Variants in SDE2 observed in about 807,000 individuals in gnomAD.
SDE2 encodes splicing regulator SDE2.
SDE2 carries 31 observed loss-of-function variants against 46.9 expected under a neutral mutation model. The ratio of observed to expected loss-of-function variants is 0.66; its 90% CI spans 0.50 to 0.89. The LOEUF is 0.89. SDE2 is among the 40% of genes least tolerant of loss of function. The probability of loss-of-function intolerance (pLI) is 0.00; values close to 1 mark genes in which losing one functional copy is unlikely to be tolerated. For missense variants in SDE2, 542 were observed against 564.4 expected, an observed-to-expected ratio of 0.96 and a Z score of 0.40; for synonymous variants, 205 against 204.3, an observed-to-expected ratio of 1.00 and a Z score of -0.03.
At chr1:225,992,615 T>C (rs1423013779) in intron 3 of SDE2, 48 bp from the exon 4 acceptor site, 5 of 1,154,200 alleles carry the variant, frequency 4.3e-6, no homozygotes, top group Non-Finnish European at 6.4e-6. Context: ...ATATTACATA[T>C]ACACTTTTAT....
At chr1:225,996,832 A>G (rs567281296) in intron 1 of SDE2, among the ~76,000 whole-genome samples, 1 of 152,364 alleles carries the variant, frequency 6.6e-6, no homozygotes, top group African/African-American at 2.4e-5. Context: ...AAAAACGTCA[A>G]CATCAGATCT....
In SDE2 at chr1:225,992,246, T is replaced by G. The variant is rs1656418823; in HGVS notation, c.520+152A>C. The G allele has an allele frequency of 9.0e-6, 5 of 555,528 alleles. No homozygotes were observed. The South Asian group carries it at 1.1e-4, about 12-fold the overall frequency. 34.4% of individuals were successfully genotyped at this position (555,528 alleles called of 1,614,324 possible). Reference sequence around the variant, plus strand: ...TTTAAAAAAATACTGTGTTCATTTTTGAGGATAAAAGTGCCAAGGTTTTCA... The same window carrying G: ...TTTAAAAAAATACTGTGTTCATTTTGGAGGATAAAAGTGCCAAGGTTTTCA... On this transcript the variant is annotated intron_variant, in intron 4 of 6. Transcript: ENST00000272091.
At chr1:225,993,096 AATG>A (rs1656439948) in intron 2 of SDE2, 94 bp from the exon 3 acceptor site, 1 of 581,242 alleles carries the variant, frequency 1.7e-6, no homozygotes, top group Non-Finnish European at 3.1e-6. Context: ...CAAGATTAAC[AATG>A]ATCTCTACTT....
intron 1 of SDE2, among the ~76,000 whole-genome samples, chr1:225,997,394 T>C (rs1302948554): frequency 6.6e-6 from 1 of 152,184 alleles, no homozygotes; most frequent in Non-Finnish European, 1.5e-5. Flanking sequence ...ATGGTCATGT[T>C]CCTTAAGTTT....
In SDE2 at chr1:225,985,486, GT is replaced by G. The variant is rs1656249798; in HGVS notation, c.1171del (p.Thr391ProfsTer18). 1 of 1,613,776 alleles carries G rather than the reference GT, an allele frequency of 6.2e-7. No homozygotes were observed. Among genetic ancestry groups the G allele is most frequent in the Non-Finnish European group, 8.5e-7 (1 of 1,179,646 alleles). ...CAGCAACTCCAGTTCTGCAACAGAGGTGAACGCCAATAAATCTATAGTTTCC... is the reference window on the plus strand; with the variant it reads ...CAGCAACTCCAGTTCTGCAACAGAGGGAACGCCAATAAATCTATAGTTTCC... ...DKETIDLLAF[T>X]SVAELELLGL... On this transcript the variant is annotated frameshift_variant, in exon 7 of 7. Transcript: ENST00000272091. LOFTEE classifies it high-confidence loss of function.
intron 5 of SDE2, among the ~76,000 whole-genome samples, chr1:225,989,397 G>C (rs922005282): frequency 6.6e-6 from 1 of 151,844 alleles, no homozygotes; most frequent in Non-Finnish European, 1.5e-5. Context: ...GGGAGGTTGA[G>C]GTGGGTGGAT....
At chr1:225,995,054 A>G (rs1440543818) in intron 2 of SDE2, among the ~76,000 whole-genome samples, 1 of 152,222 alleles carries the variant, frequency 6.6e-6, no homozygotes, top group Non-Finnish European at 1.5e-5. Context: ...AAAAGAAAGA[A>G]AACAAAAGAA....
At chr1:225,991,404 C>A in intron 4 of SDE2, 41 bp from the exon 5 acceptor site, 1 of 1,547,770 alleles carries the variant, frequency 6.5e-7, no homozygotes, top group Non-Finnish European at 8.9e-7. Flanking sequence ...ACTATAGGGA[C>A]TAAGTTTAAA....
chr1:225,992,902 A>AT lies in SDE2; in HGVS notation c.338dup (p.Asn113LysfsTer3), dbSNP rs1656435560. ...GGTGGGCATCTTACGCTTTTTCATG[A>AT]TTGACATCGCGTAGTCTCCTTCCAC... On this transcript the variant is annotated frameshift_variant, in exon 3 of 7. Coordinates refer to ENST00000272091, the MANE Select transcript of SDE2 (RefSeq NM_152608.4). LOFTEE classifies it high-confidence loss of function. 1 of 1,603,318 alleles carries AT rather than the reference A, an allele frequency of 6.2e-7. No homozygotes were observed. The highest frequency in any genetic ancestry group is 8.5e-7 in the Non-Finnish European group (1 of 1,170,654).
chr1:225,988,480 C>G (rs1334758726), intron 5 of SDE2, 92 bp from the exon 6 acceptor site: 1 of 1,382,820 alleles, frequency 7.2e-7, no homozygotes, highest in African/African-American at 1.4e-5. Context: ...CCTGTAATCC[C>G]AGGACTTTGG....
chr1:225,991,549 GAGC>G (rs150458359), intron 4 of SDE2, among the ~76,000 whole-genome samples, 186 bp from the exon 5 acceptor site: 7,546 of 152,162 alleles, frequency 0.05, 641 homozygotes, highest in African/African-American at 0.17. Context: ...TCTAGTCTAG[GAGC>G]AGATTTTTTA....
chr1:225,988,332 T>G lies in SDE2; in HGVS notation c.698A>C (p.Asp233Ala), dbSNP rs745798379. 35 of 1,614,050 alleles carry G rather than the reference T, an allele frequency of 2.2e-5. No homozygotes were observed. Among genetic ancestry groups the G allele is most frequent in the Non-Finnish European group, 3.0e-5 (35 of 1,179,996 alleles). Residue 233 changes from aspartate (D) to alanine (A), a missense_variant, in exon 6 of 7, where the codon GAT (aspartate) becomes GCT (alanine). Asp to Ala is a moderately radical substitution (Grantham distance 126). This residue lies in a region of SDE2 where 401 missense variants were observed against 437.8 expected (regional missense o/e 0.92). Transcript: ENST00000272091. ...AEGSNSESSD[D>A]DSEEAPSTSG... is the part of the protein sequence containing the mutation. ...AGTGCTTGGTGCTTCTTCACTGTCA[T>G]CATCTGAACTCTCAGAGTTGGACCC...
At chr1:225,999,125 C>A in intron 1 of SDE2, 68 bp downstream of exon 1, 1 of 1,354,388 alleles carries the variant, frequency 7.4e-7, no homozygotes, top group Non-Finnish European at 1.1e-6. Flanking sequence ...CCGGACAGAC[C>A]TACTCCGCAC....
intron 5 of SDE2, among the ~76,000 whole-genome samples, chr1:225,990,191 T>G (rs571269431): frequency 6.6e-6 from 1 of 151,984 alleles, no homozygotes; most frequent in African/African-American, 2.4e-5. Context: ...CTGTGGTACA[T>G]TCACACCATG....
intron 6 of SDE2, among the ~76,000 whole-genome samples, chr1:225,985,944 T>C (rs1445707675): frequency 2.0e-5 from 3 of 152,220 alleles, no homozygotes; most frequent in African/African-American, 7.2e-5. Context: ...TCTATTCTAA[T>C]TGAGTAATTA....
intron 1 of SDE2, among the ~76,000 whole-genome samples, chr1:225,996,089 T>C (rs1286228754): frequency 6.6e-6 from 1 of 152,140 alleles, no homozygotes. Context: ...ATTATAGTTC[T>C]CTATCACAGT....
rs1558083406 is a variant in SDE2, at chr1:225,988,015, G to C, written c.1015C>G (p.Leu339Val). 6.2e-7 allele frequency: 1 copy of C among 1,614,088 alleles called. No individual in the cohort carries two copies. The highest frequency in any genetic ancestry group is 2.2e-5 in the East Asian group (1 of 44,876). The change falls in exon 6 of 7, where the codon CTG becomes GTG. Residue 339 changes from leucine (L) to valine (V), a missense_variant. By Grantham distance (32) the Leu-to-Val change is conservative (BLOSUM62 1). Coordinates refer to ENST00000272091, the MANE Select transcript of SDE2 (RefSeq NM_152608.4). ...TCTTCTGTCTCTTTATCCTTATTCA[G>C]TCCAGCCCCAGTGGGCTCCTCTTCT... ...PIEEEPTGAG[L>V]NKDKETEERT...
At chr1:225,987,869 T>TA in intron 6 of SDE2, 27 bp downstream of exon 6, 1 of 1,582,054 alleles carries the variant, frequency 6.3e-7, no homozygotes. Context: ...GATTTGGCTC[T>TA]AGGTATCAAC....
Position 225,984,998 on chromosome 1 carries a change from C to T in SDE2, c.*304G>A. On this transcript the variant is annotated 3_prime_UTR_variant, in exon 7 of 7. Transcript: ENST00000272091. ...ACCTTATGTCTACAAATTTGATAAC[C>T]TGGGTCAAAAGGATAGATTTCTTGG... 1 of 323,028 alleles carries T rather than the reference C, an allele frequency of 3.1e-6. No individual in the cohort carries two copies. The highest frequency in any genetic ancestry group is 4.0e-5 in the South Asian group (1 of 24,766). 20.0% of individuals were successfully genotyped at this position (323,028 alleles called of 1,614,324 possible).
Sources: allele counts gnomAD v4.1 joint callset (sites outside exome capture counted in the v4.1 genomes callset), GRCh38; gene constraint gnomAD v4.1.1; regional missense constraint gnomAD v4.1.1; transcripts MANE v1.5; gene names NCBI Gene and HGNC (gene_info 2026-07-23, HGNC 2026-07-21).